The following ANXA11 variants were observed in gnomAD, a reference collection of about 807,000 sequenced individuals.
ANXA11 encodes 56 kDa autoantigen.
ANXA11 carries 57 observed loss-of-function variants against 64.7 expected under a neutral mutation model. That is an observed-to-expected ratio of 0.88 (90% CI 0.71 to 1.10). The LOEUF (loss-of-function observed/expected upper bound fraction) is 1.10, where lower values mean the gene tolerates loss of function less well. Ranked by LOEUF, ANXA11 falls within the 50% of genes least tolerant of loss-of-function variation. ANXA11 has a pLI of 0.00. For synonymous variants in ANXA11, 260 were observed against 265.2 expected, an observed-to-expected ratio of 0.98 and a Z score of 0.19; for missense variants, 675 against 670.7, an observed-to-expected ratio of 1.01 and a Z score of -0.07.
At chr10:80,171,081 C>T in intron 3 of ANXA11, 166 bp from the exon 4 acceptor site, 2 of 1,517,624 alleles carry the variant, frequency 1.3e-6, no homozygotes, top group African/African-American at 1.4e-5. Context: ...GAAAGTCTCC[C>T]CCTATCCCAC....
At chr10:80,191,000 C>T (rs1184614593) in intron 1 of ANXA11, among the ~76,000 whole-genome samples, 3 of 151,740 alleles carry the variant, frequency 2.0e-5, no homozygotes, top group East Asian at 3.9e-4. Flanking sequence ...CTGAGGCAGG[C>T]GGATCACCTG....
chr10:80,165,483 C>A (rs1250787633), intron 8 of ANXA11, among the ~76,000 whole-genome samples: 2 of 152,186 alleles, frequency 1.3e-5, no homozygotes, highest in Non-Finnish European at 2.9e-5. Flanking sequence ...GGAGACCCTG[C>A]TGGTCTCTTC....
Position 80,164,151 on chromosome 10 carries a change from G to C in ANXA11, c.859-8C>G, listed in dbSNP as rs767221100. 1 of 1,612,334 alleles carries C rather than the reference G, an allele frequency of 6.2e-7. No homozygotes were observed. The highest frequency in any genetic ancestry group is 1.1e-5 in the South Asian group (1 of 91,028). ...TTCATCAGTGCCAACCCCCTGCAGG[G>C]GCAGAGAATACAACCAACCATGTGC... On this transcript the variant is annotated splice_polypyrimidine_tract_variant and splice_region_variant and intron_variant, in intron 8 of 15. Coordinates refer to ENST00000422982, the MANE Select transcript of ANXA11 (RefSeq NM_145868.2).
chr10:80,205,316 C>G (rs1405117690), intron 1 of ANXA11, 27 bp downstream of exon 1: 2 of 151,944 alleles, frequency 1.3e-5, no homozygotes, highest in African/African-American at 4.8e-5. Flanking sequence ...GTCCCAGGCC[C>G]CCAGCCGGCT....
chr10:80,166,034 A>ATGCGCGCGTGCGCACG, intron 8 of ANXA11, 50 bp downstream of exon 8: 1 of 960,236 alleles, frequency 1.0e-6, no homozygotes, highest in Non-Finnish European at 1.5e-6. Flanking sequence ...GCGTGCGCAC[A>ATGCGCGCGTGCGCACG]CACGCGCGCA....
At position 80,166,083 on chromosome 10, in the gene ANXA11, C is replaced by T. The variant is rs1845723000; in HGVS notation, c.858+1G>A. The T allele has an allele frequency of 1.3e-6, 2 of 1,552,594 alleles. No homozygotes were observed. The highest frequency in any genetic ancestry group is 1.4e-5 in the African/African-American group (1 of 72,702). ...ACACACACACACACACACGTACACACCTTGATGGCTTCCTTTATCTCATAA... is the reference window on the plus strand; with the variant it reads ...ACACACACACACACACACGTACACATCTTGATGGCTTCCTTTATCTCATAA... On this transcript the variant is annotated splice_donor_variant, in intron 8 of 15. Coordinates refer to ENST00000422982, the MANE Select transcript of ANXA11 (RefSeq NM_145868.2). LOFTEE classifies it high-confidence loss of function.
In ANXA11 at chr10:80,153,090, T is replaced by TG. The variant is rs1156578323; in HGVS notation, c.*2762_*2763insC. ...TGGCCTGGATATCCACCTTGGTCTA[T>TG]TCCTTGACCAAAGCACATCCATGTA... is the stretch of plus-strand genomic sequence containing the variant. On this transcript the variant is annotated 3_prime_UTR_variant, in exon 16 of 16. Coordinates refer to ENST00000422982, the MANE Select transcript of ANXA11 (RefSeq NM_145868.2). The TG allele has an allele frequency of 2.0e-5, 3 of 152,048 alleles. No individual in the cohort carries two copies. The highest frequency in any genetic ancestry group is 4.4e-5 in the Non-Finnish European group (3 of 68,020). The allele number at this position is 152,048 out of a possible 1,614,324, so 9.4% of individuals were successfully genotyped here.
At chr10:80,187,698 C>T (rs760454404) in intron 1 of ANXA11, among the ~76,000 whole-genome samples, 5 of 152,178 alleles carry the variant, frequency 3.3e-5, no homozygotes, top group East Asian at 1.9e-4. Context: ...GGGAAGCCAC[C>T]GCCAGTTACA....
intron 2 of ANXA11, 51 bp downstream of exon 2, chr10:80,176,056 A>C (rs1169691047): frequency 6.6e-6 from 1 of 152,194 alleles, no homozygotes; most frequent in Admixed American, 6.5e-5. Flanking sequence ...TCCGTCTCCA[A>C]AATAAATAAA....
intron 11 of ANXA11, 124 bp from the exon 12 acceptor site, chr10:80,162,152 C>G (rs1391998366): frequency 1.4e-6 from 1 of 734,674 alleles, no homozygotes; most frequent in Admixed American, 2.4e-5. Context: ...TTTGCAACCT[C>G]TGAACTAGAT....
At chr10:80,176,599 C>G (rs1358035692) in intron 1 of ANXA11, among the ~76,000 whole-genome samples, 2 of 152,190 alleles carry the variant, frequency 1.3e-5, no homozygotes, top group Non-Finnish European at 2.9e-5. Flanking sequence ...GATTTCTGAG[C>G]TCACTTGAGG....
chr10:80,157,566 C>A, intron 15 of ANXA11, 75 bp downstream of exon 15: 1 of 1,565,936 alleles, frequency 6.4e-7, no homozygotes, highest in South Asian at 1.2e-5. Context: ...AGCATATGGC[C>A]ACTCCAAGGA....
chr10:80,152,201 C>T lies in ANXA11; in HGVS notation c.*3652G>A, dbSNP rs1207852614. The T allele has an allele frequency of 6.6e-6, 1 of 152,218 alleles. No individual in the cohort carries two copies. Among genetic ancestry groups the T allele is most frequent in the Non-Finnish European group, 1.5e-5 (1 of 68,044 alleles). 9.4% of individuals were successfully genotyped at this position (152,218 alleles called of 1,614,324 possible). ...GATGTGTAGCATGGACTGGCCTTGA[C>T]TAACATATCCAGGAGGCAGGAGAAG... On this transcript the variant is annotated 3_prime_UTR_variant, in exon 16 of 16. Coordinates refer to ENST00000422982, the MANE Select transcript of ANXA11 (RefSeq NM_145868.2).
At chr10:80,201,536 C>T (rs1840421655) in intron 1 of ANXA11, among the ~76,000 whole-genome samples, 1 of 152,194 alleles carries the variant, frequency 6.6e-6, no homozygotes. Flanking sequence ...CTTCATCCTC[C>T]AAACCTGGTC....
At chr10:80,173,745 G>A (rs12769115) in intron 2 of ANXA11, among the ~76,000 whole-genome samples, 17,251 of 152,248 alleles carry the variant, frequency 0.11, 1,201 homozygotes, top group South Asian at 0.24. Context: ...AATGGCAGGC[G>A]GACATGTGAG....
intron 8 of ANXA11, 42 bp downstream of exon 8, chr10:80,166,042 G>GTGCGCACACACGCACACACACA (rs1845715366): frequency 6.6e-6 from 3 of 451,810 alleles, no homozygotes; most frequent in Non-Finnish European, 7.6e-6. Flanking sequence ...ACACACGCGC[G>GTGCGCACACACGCACACACACA]CACACACACA....
intron 14 of ANXA11, 99 bp downstream of exon 14, chr10:80,157,868 T>C: frequency 6.3e-7 from 1 of 1,589,730 alleles, no homozygotes; most frequent in South Asian, 1.1e-5. Flanking sequence ...AACTCTCAGC[T>C]GAGATTTAGC....
chr10:80,169,013 A>G lies in ANXA11; in HGVS notation c.517T>C (p.Tyr173His), dbSNP rs748980504. Reference sequence around the variant, plus strand: ...GGGGTGACAGTCCCAGACCCCGGGTATCCTGGGTAGCTCGGCACTGGCTGC... The same window carrying G: ...GGGGTGACAGTCCCAGACCCCGGGTGTCCTGGGTAGCTCGGCACTGGCTGC... ...QQQPVPSYPG[Y>H]PGSGTVTPAV... The change falls in exon 5 of 16, where the codon TAC (tyrosine) becomes CAC (histidine). Residue 173 changes from tyrosine (Y) to histidine (H), a missense_variant. Coordinates refer to ENST00000422982, the MANE Select transcript of ANXA11 (RefSeq NM_145868.2). The G allele has an allele frequency of 9.0e-6, 14 of 1,547,126 alleles. No homozygotes were observed. The Admixed American group carries it at 2.8e-4, about 31-fold the overall frequency.
In ANXA11 at chr10:80,161,990, G is replaced by GGT. The variant is rs776413311; in HGVS notation, c.1124_1125insAC (p.Asp375GlufsTer19). 4 of 1,612,374 alleles carry GGT rather than the reference G, an allele frequency of 2.5e-6. No individual in the cohort carries two copies. Among genetic ancestry groups the GGT allele is most frequent in the Non-Finnish European group, 3.4e-6 (4 of 1,179,868 alleles). On this transcript the variant is annotated frameshift_variant, in exon 12 of 16. Coordinates refer to ENST00000422982, the MANE Select transcript of ANXA11 (RefSeq NM_145868.2). LOFTEE classifies it high-confidence loss of function. Reference sequence around the variant, plus strand: ...ACAGAACCGCATTGAACTTGGACTCGTCTGTTCCCAGGCGGTTCTCCCCGG... The same window carrying GGT: ...ACAGAACCGCATTGAACTTGGACTCGGTTCTGTTCCCAGGCGGTTCTCCCCGG...
Sources: gnomAD v4.1 joint callset for allele counts (sites outside exome capture counted in the v4.1 genomes callset) on GRCh38, gnomAD v4.1.1 for gene constraint, MANE v1.5 for transcripts, NCBI Gene and HGNC (gene_info 2026-07-23, HGNC 2026-07-21) for gene names.